The following FAM13A variants were observed in gnomAD, a reference collection of about 807,000 sequenced individuals.
FAM13A encodes family with sequence similarity 13 member A, also known as protein FAM13A.
Under a neutral mutation model 129.6 loss-of-function variants are expected in FAM13A, and 76 were observed. That is an observed-to-expected ratio of 0.59 (90% CI 0.49 to 0.71). The LOEUF (loss-of-function observed/expected upper bound fraction) is 0.71. FAM13A is among the 30% of genes least tolerant of loss of function. The probability of loss-of-function intolerance (pLI) is 0.00; values close to 1 mark genes in which losing one functional copy is unlikely to be tolerated. For missense variants in FAM13A, 1,108 were observed against 1,249.3 expected (o/e 0.89, Z 1.70); for synonymous variants, 443 against 449.9 (o/e 0.98, Z 0.20).
chr4:88,966,072 A>G (rs1176595552), intron 4 of FAM13A, among the ~76,000 whole-genome samples: 12 of 152,244 alleles, frequency 7.9e-5, no homozygotes, highest in Non-Finnish European at 2.9e-5. Flanking sequence ...ATATTTACCC[A>G]GAAGTGGATC....
chr4:89,041,291 C>G (rs1770084671), intron 1 of FAM13A, among the ~76,000 whole-genome samples: 1 of 152,118 alleles, frequency 6.6e-6, no homozygotes, highest in African/African-American at 2.4e-5. Context: ...AAGTCAAATA[C>G]CTTGACTTGA....
intron 1 of FAM13A, among the ~76,000 whole-genome samples, chr4:89,052,929 G>A (rs1045545179): frequency 2.0e-5 from 3 of 152,052 alleles, no homozygotes; most frequent in African/African-American, 4.8e-5. Context: ...TCAAATAACC[G>A]TGAAAAATTA....
chr4:88,820,288 T>G (rs1731641398), intron 7 of FAM13A, among the ~76,000 whole-genome samples: 1 of 152,166 alleles, frequency 6.6e-6, no homozygotes, highest in African/African-American at 2.4e-5. Context: ...ATCTCTATTA[T>G]TACTATGCTA....
At chr4:88,828,645 C>T (rs1733408924) in intron 7 of FAM13A, among the ~76,000 whole-genome samples, 1 of 152,144 alleles carries the variant, frequency 6.6e-6, no homozygotes, top group Non-Finnish European at 1.5e-5. Context: ...TTAATGGATA[C>T]ATCAATTACT....
At chr4:88,930,552 A>G (rs1752873732) in intron 5 of FAM13A, among the ~76,000 whole-genome samples, 1 of 152,116 alleles carries the variant, frequency 6.6e-6, no homozygotes, top group African/African-American at 2.4e-5. Context: ...CAACTAAGCC[A>G]GTATTTGGGC....
chr4:88,845,436 C>G (rs143772244), intron 7 of FAM13A, among the ~76,000 whole-genome samples: 68 of 152,146 alleles, frequency 4.5e-4, no homozygotes, highest in African/African-American at 1.6e-3. Flanking sequence ...ATGGAAGGAA[C>G]AGCAGACAGA....
At chr4:88,887,615 T>G (rs139771721) in intron 6 of FAM13A, among the ~76,000 whole-genome samples, 8 of 151,780 alleles carry the variant, frequency 5.3e-5, no homozygotes, top group African/African-American at 1.9e-4. Context: ...ACTGCAGCCT[T>G]TGCCTCGAGG....
chr4:89,020,580 C>G lies in FAM13A; in HGVS notation c.307G>C (p.Glu103Gln). 1 of 1,614,108 alleles carries G rather than the reference C, an allele frequency of 6.2e-7. No homozygotes were observed. Among genetic ancestry groups the G allele is most frequent in the Non-Finnish European group, 8.5e-7 (1 of 1,179,990 alleles). ...CAGACATCACCGTCCTTCCCGAGCT[C>G]CACGGGCACTCCACTCTCGAACTTC... ...RLKFESGVPV[E>Q]LGKDGDVCSA... Residue 103 changes from glutamate (E) to glutamine (Q), a missense_variant, in exon 3 of 24, where the codon GAG becomes CAG. Glu to Gln is a conservative substitution (Grantham distance 29). Transcript: ENST00000264344.
In FAM13A at chr4:88,991,123, C is replaced by A. The variant is rs1762875406; in HGVS notation, c.455G>T (p.Ser152Ile). 2 of 1,613,430 alleles carry A rather than the reference C, an allele frequency of 1.2e-6. No individual in the cohort carries two copies. Among genetic ancestry groups the A allele is most frequent in the African/African-American group, 2.7e-5 (2 of 74,852 alleles). The part of the protein sequence containing the change: ...QDGRNDVQES[S>I]LRDLIKELPD... ...CAGCTCTTTTATTAAGTCTCTTAAGCTACTCTCCTGAACATCATTTCTGCC... is the reference window on the plus strand; with the variant it reads ...CAGCTCTTTTATTAAGTCTCTTAAGATACTCTCCTGAACATCATTTCTGCC... Residue 152 changes from serine (S) to isoleucine (I), a missense_variant, in exon 4 of 24, where the codon AGC (serine) becomes ATC (isoleucine). By Grantham distance (142) the Ser-to-Ile change is moderately radical. Transcript: ENST00000264344.
chr4:88,922,871 A>G (rs2148725804), intron 5 of FAM13A, among the ~76,000 whole-genome samples: 1 of 152,344 alleles, frequency 6.6e-6, no homozygotes, highest in East Asian at 1.9e-4. Context: ...AGGGGATATC[A>G]CCACCGATCC....
chr4:88,781,906 G>A (rs1337604888), intron 10 of FAM13A, among the ~76,000 whole-genome samples: 5 of 150,532 alleles, frequency 3.3e-5, no homozygotes, highest in East Asian at 2.0e-4. Flanking sequence ...CGAGTTAATG[G>A]GTGCAGCACA....
At chr4:88,921,239 C>T (rs1751029289) in intron 5 of FAM13A, among the ~76,000 whole-genome samples, 2 of 151,714 alleles carry the variant, frequency 1.3e-5, no homozygotes, top group African/African-American at 4.8e-5. Flanking sequence ...AACTCCAAGA[C>T]ACATAATTGT....
At chr4:88,900,993 C>T (rs1256289379) in intron 6 of FAM13A, among the ~76,000 whole-genome samples, 2 of 152,010 alleles carry the variant, frequency 1.3e-5, no homozygotes, top group Non-Finnish European at 2.9e-5. Flanking sequence ...AGGTTGTAAT[C>T]CTAGTTTCTG....
At chr4:88,825,354 T>A (rs1362729898) in intron 7 of FAM13A, among the ~76,000 whole-genome samples, 1 of 151,930 alleles carries the variant, frequency 6.6e-6, no homozygotes. Flanking sequence ...TAGCTGGGAT[T>A]ACAGGTGCTC....
intron 9 of FAM13A, 136 bp from the exon 10 acceptor site, chr4:88,788,068 G>T (rs144659863): frequency 1.7e-5 from 10 of 595,940 alleles, no homozygotes; most frequent in East Asian, 1.2e-4. Flanking sequence ...AAAGAGAGAT[G>T]ATGAGGCATT....
intron 3 of FAM13A, among the ~76,000 whole-genome samples, chr4:89,012,741 A>G (rs1002903465): frequency 3.9e-5 from 6 of 152,174 alleles, no homozygotes; most frequent in African/African-American, 1.4e-4. Context: ...AAAAATACTT[A>G]GGGCTCCAGA....
chr4:88,912,999 A>G (rs981554014), intron 5 of FAM13A, among the ~76,000 whole-genome samples: 1 of 150,176 alleles, frequency 6.7e-6, no homozygotes, highest in African/African-American at 2.5e-5. Flanking sequence ...AAGAAGAAAG[A>G]AGGAAGAAGA....
rs1736377778 is a variant in FAM13A at position 88,725,999 on chromosome 4, C to T, written c.*2534G>A. 6.6e-6 allele frequency: 1 copy of T among 152,214 alleles called. No individual in the cohort carries two copies. The highest frequency in any genetic ancestry group is 1.5e-5 in the Non-Finnish European group (1 of 68,042). The allele number at this position is 152,214 out of a possible 1,614,324, so 9.4% of individuals were successfully genotyped here. A position where few individuals can be genotyped will look rare whatever the true frequency, so the allele number is the denominator to read the frequency against. On this transcript the variant is annotated 3_prime_UTR_variant, in exon 24 of 24. Coordinates refer to ENST00000264344, the MANE Select transcript of FAM13A (RefSeq NM_014883.4). The stretch of plus-strand genomic sequence containing the variant: ...TCTTTAATTCTTAAGTTTACTTACA[C>T]TTATGAAATAACTCTTGACATTTAT...
chr4:89,051,437 G>A (rs1027939248), intron 1 of FAM13A, among the ~76,000 whole-genome samples: 1 of 152,126 alleles, frequency 6.6e-6, no homozygotes, highest in African/African-American at 2.4e-5. Flanking sequence ...GTTTCAACAT[G>A]TGAATTTTGG....
Sources: allele counts gnomAD v4.1 joint callset (sites outside exome capture counted in the v4.1 genomes callset), GRCh38; gene constraint gnomAD v4.1.1; transcripts MANE v1.5; gene names NCBI Gene and HGNC (gene_info 2026-07-23, HGNC 2026-07-21).